The following MEI1 variants were observed in gnomAD, a reference collection of about 807,000 sequenced individuals.
The protein encoded by MEI1 is meiosis inhibitor protein 1.
A neutral mutation model predicts 146.2 loss-of-function variants in MEI1; 103 were observed. The observed-to-expected ratio is 0.70, with a 90% confidence interval of 0.60 to 0.83. The LOEUF (loss-of-function observed/expected upper bound fraction) is 0.83, where lower values mean the gene tolerates loss of function less well. MEI1 is among the 40% of genes least tolerant of loss of function. MEI1 has a pLI of 0.00. For synonymous variants in MEI1, 652 were observed against 628.2 expected (o/e 1.04, Z -0.57); for missense variants, 1,529 against 1,533.0 (o/e 1.00, Z 0.04).
rs1351443316 is a variant in MEI1 at position 41,705,492 on chromosome 22, C to G, written c.299-12C>G. On this transcript the variant is annotated splice_polypyrimidine_tract_variant and intron_variant, in intron 2 of 30. Coordinates refer to ENST00000401548, the MANE Select transcript of MEI1 (RefSeq NM_152513.4). Reference sequence around the variant, plus strand: ...GCCTAACCACCCCTTTCTTACCTCCCTCTGCTCCAAGGACTATTATGCAGC... The same window carrying G: ...GCCTAACCACCCCTTTCTTACCTCCGTCTGCTCCAAGGACTATTATGCAGC... 6.2e-7 allele frequency: 1 copy of G among 1,613,348 alleles called. No homozygotes were observed. Among genetic ancestry groups the G allele is most frequent in the East Asian group, 2.2e-5 (1 of 44,868 alleles).
At chr22:41,709,327 C>G (rs866493037) in intron 3 of MEI1, 32 of 779,412 alleles carry the variant, frequency 4.1e-5, no homozygotes, top group Middle Eastern at 2.8e-4. Context: ...TTCCCTTTTT[C>G]CCTTTGGGTA....
intron 4 of MEI1, among the ~76,000 whole-genome samples, chr22:41,714,651 AC>A (rs1569159641): frequency 6.6e-6 from 1 of 151,858 alleles, no homozygotes; most frequent in East Asian, 1.9e-4. Context: ...TGGGTGGATC[AC>A]TTGAGGTCAG....
At position 41,699,696 on chromosome 22, in the gene MEI1, C is replaced by G. The variant is rs1391970603; in HGVS notation, c.158C>G (p.Pro53Arg). 1.3e-6 allele frequency: 2 copies of G among 1,580,830 alleles called. No homozygotes were observed. Among genetic ancestry groups the G allele is most frequent in the Non-Finnish European group, 1.7e-6 (2 of 1,164,582 alleles). ...LCLACALELL[P>R]DPGVSLVRKK... ...CTGGCCTGCGCGCTGGAGCTGCTGCCGGACCCCGGCGTGTCGGTGCGGGCG... is the reference window on the plus strand; with the variant it reads ...CTGGCCTGCGCGCTGGAGCTGCTGCGGGACCCCGGCGTGTCGGTGCGGGCG... The change falls in exon 1 of 31, where the codon CCG becomes CGG. Residue 53 changes from proline (P) to arginine (R), a missense_variant. By Grantham distance (103) the Pro-to-Arg change is moderately radical (BLOSUM62 -2). Around this residue, in one of 3 missense-constraint regions of MEI1, gnomAD observed 1,212 missense variants for 1,178.9 expected, o/e 1.03. Transcript: ENST00000401548.
At chr22:41,719,270 C>T (rs915212943) in intron 6 of MEI1, among the ~76,000 whole-genome samples, 11 of 151,972 alleles carry the variant, frequency 7.2e-5, no homozygotes, top group African/African-American at 2.2e-4. Flanking sequence ...CGTGAGCCAC[C>T]GCGCCCGGCC....
Position 41,705,570 on chromosome 22 carries a change from G to C in MEI1, c.349+16G>C, listed in dbSNP as rs1157391911. ...TGTATTGAAGGTAAGTTGAAACCTTGTATCTAGCACTTGAAGATGAAAGTA... is the reference window on the plus strand; with the variant it reads ...TGTATTGAAGGTAAGTTGAAACCTTCTATCTAGCACTTGAAGATGAAAGTA... On this transcript the variant is annotated intron_variant, in intron 3 of 30. Transcript: ENST00000401548. 2 of 1,607,026 alleles carry C rather than the reference G, an allele frequency of 1.2e-6. No individual in the cohort carries two copies. Among genetic ancestry groups the C allele is most frequent in the South Asian group, 2.2e-5 (2 of 90,946 alleles).
At chr22:41,732,413 C>G in intron 10 of MEI1, 56 bp from the exon 11 acceptor site, 1 of 1,613,552 alleles carries the variant, frequency 6.2e-7, no homozygotes, top group Non-Finnish European at 8.5e-7. Flanking sequence ...GCTTTCACTC[C>G]TGGTGGGGTC....
Position 41,768,226 on chromosome 22 carries a change from C to CA in MEI1, c.2269-2454dup, listed in dbSNP as rs2074971855. 8.6e-5 allele frequency among the ~76,000 whole-genome samples: 13 copies of CA among 152,008 alleles called. No homozygotes were observed. The South Asian group carries it at 2.7e-3, about 32-fold the overall frequency. ...GTGAAACCCTGTCTCTACTAAAATA[C>CA]AAAAAATTAGCTGGGCGTGGCGGCA... On this transcript the variant is annotated intron_variant, in intron 19 of 30. Coordinates refer to ENST00000401548, the MANE Select transcript of MEI1 (RefSeq NM_152513.4).
intron 11 of MEI1, among the ~76,000 whole-genome samples, chr22:41,735,910 G>A (rs1331201298): frequency 6.6e-6 from 1 of 152,158 alleles, no homozygotes; most frequent in African/African-American, 2.4e-5. Context: ...TATAGTTCTT[G>A]CCTAAAATGC....
At chr22:41,786,131 C>G (rs9607839) in intron 26 of MEI1, among the ~76,000 whole-genome samples, 1 of 150,226 alleles carries the variant, frequency 6.7e-6, no homozygotes, top group Non-Finnish European at 1.5e-5. Context: ...AGGATGGTCT[C>G]GATCTCCTGA....
At chr22:41,710,321 C>A (rs1259117695) in intron 3 of MEI1, among the ~76,000 whole-genome samples, 1 of 152,130 alleles carries the variant, frequency 6.6e-6, no homozygotes, top group African/African-American at 2.4e-5. Context: ...TTAAGCCATC[C>A]AGTCTGTGGT....
In MEI1 at chr22:41,799,412, CTA is replaced by C; in HGVS notation, c.*115_*116del. 1 of 973,712 alleles carries C rather than the reference CTA, an allele frequency of 1.0e-6. No homozygotes were observed. The highest frequency in any genetic ancestry group is 1.4e-5 in the South Asian group (1 of 69,718). The allele number at this position is 973,712 out of a possible 1,614,324, so 60.3% of individuals were successfully genotyped here. The stretch of plus-strand genomic sequence containing the variant: ...AGCTATTCATATGGAGCCATATACT[CTA>C]TTGTTGAAATAGAATAAGGAAATAA... On this transcript the variant is annotated 3_prime_UTR_variant, in exon 31 of 31. Coordinates refer to ENST00000401548, the MANE Select transcript of MEI1 (RefSeq NM_152513.4).
At chr22:41,796,558 C>T (rs2076365828) in intron 30 of MEI1, among the ~76,000 whole-genome samples, 2 of 152,124 alleles carry the variant, frequency 1.3e-5, no homozygotes. Flanking sequence ...ACAGGTTGAG[C>T]ATCCCTAATA....
intron 17 of MEI1, 22 bp from the exon 18 acceptor site, chr22:41,758,343 C>G: frequency 6.2e-7 from 1 of 1,602,922 alleles, no homozygotes; most frequent in Non-Finnish European, 8.5e-7. Context: ...GTGTGGCTTT[C>G]CTCTACTTAT....
chr22:41,784,069 G>A (rs970978171), intron 24 of MEI1, among the ~76,000 whole-genome samples: 3 of 152,252 alleles, frequency 2.0e-5, no homozygotes, highest in African/African-American at 7.2e-5. Context: ...CTGAACCACA[G>A]ATGAGGCCAG....
At chr22:41,778,115 A>C (rs2075563768) in intron 21 of MEI1, among the ~76,000 whole-genome samples, 2 of 151,816 alleles carry the variant, frequency 1.3e-5, no homozygotes, top group South Asian at 2.1e-4. Flanking sequence ...CAGACTCCTG[A>C]GTAGCTGGGG....
At chr22:41,767,984 A>C (rs2074959482) in intron 19 of MEI1, among the ~76,000 whole-genome samples, 1 of 152,230 alleles carries the variant, frequency 6.6e-6, no homozygotes, top group Non-Finnish European at 1.5e-5. Flanking sequence ...CAATCTATCC[A>C]TTCAAGGAAG....
chr22:41,773,672 G>C (rs1164988291), intron 20 of MEI1, among the ~76,000 whole-genome samples: 1 of 151,634 alleles, frequency 6.6e-6, no homozygotes, highest in Non-Finnish European at 1.5e-5. Context: ...TCAGGAGTTC[G>C]AGACCAGCCT....
chr22:41,751,772 TA>T lies in MEI1; in HGVS notation c.1793-802del, dbSNP rs35211694. Among the ~76,000 whole-genome samples, 113 of 119,382 alleles carry T rather than the reference TA, an allele frequency of 9.5e-4. 1 individual carries two copies. The highest frequency in any genetic ancestry group is 2.4e-3 in the Admixed American group (26 of 10,880). 78.3% of individuals were successfully genotyped at this position (119,382 alleles called of 152,430 possible). ...GGGCAACAAGCGTGAAACTCCATCT[TA>T]AAAAAAAAAAAAAAAAGGCCAGGCG... On this transcript the variant is annotated intron_variant, in intron 15 of 30. Transcript: ENST00000401548.
In MEI1 at chr22:41,732,164, A is replaced by G. The variant is rs576018173; in HGVS notation, c.1097-81A>G. ...CCTCCAACTCATACATGCTGTCCAGAGCCTGTCACCTCTTCTGGGTGGGCA... is the reference window on the plus strand; with the variant it reads ...CCTCCAACTCATACATGCTGTCCAGGGCCTGTCACCTCTTCTGGGTGGGCA... On this transcript the variant is annotated intron_variant, in intron 9 of 30. Coordinates refer to ENST00000401548, the MANE Select transcript of MEI1 (RefSeq NM_152513.4). The G allele has an allele frequency of 1.5e-5, 17 of 1,127,990 alleles. No homozygotes were observed. The East Asian group carries it at 3.8e-4, about 25-fold the overall frequency. 69.9% of individuals were successfully genotyped at this position (1,127,990 alleles called of 1,614,324 possible).
Sources: allele counts gnomAD v4.1 joint callset (sites outside exome capture counted in the v4.1 genomes callset), GRCh38; gene constraint gnomAD v4.1.1; regional missense constraint gnomAD v4.1.1; transcripts MANE v1.5; gene names NCBI Gene and HGNC (gene_info 2026-07-23, HGNC 2026-07-21).